Variants in TIAM2 observed in about 807,000 individuals in gnomAD.
The protein encoded by TIAM2 is TIAM Rac1 associated GEF 2, also known as rho guanine nucleotide exchange factor TIAM2.
In TIAM2, 80 loss-of-function variants were observed where a neutral mutation model predicts 152.9. The observed-to-expected ratio is 0.52, with a 90% CI of 0.44 to 0.63. The LOEUF (loss-of-function observed/expected upper bound fraction) is 0.63, where lower values mean the gene tolerates loss of function less well. TIAM2 is among the 30% of genes least tolerant of loss of function. TIAM2 has a pLI of 0.00. For missense variants in TIAM2, 1,965 were observed against 2,120.1 expected (o/e 0.93, Z 1.44); for synonymous variants, 804 against 838.0 (o/e 0.96, Z 0.70).
intron 15 of TIAM2, chr6:155,216,903 A>G (rs1279100248): frequency 4.2e-6 from 5 of 1,179,558 alleles, no homozygotes; most frequent in Non-Finnish European, 5.3e-6. Flanking sequence ...GTGGAGGAAG[A>G]GCTTGGTGGC....
At chr6:155,087,610 G>T (rs555443904) in intron 1 of TIAM2, among the ~76,000 whole-genome samples, 5 of 151,978 alleles carry the variant, frequency 3.3e-5, no homozygotes, top group Non-Finnish European at 7.4e-5. Context: ...TTAGCCAGGC[G>T]TGGTGGTGGG....
At chr6:155,164,770 G>A (rs142546123) in intron 8 of TIAM2, among the ~76,000 whole-genome samples, 170 bp downstream of exon 8, 50 of 152,252 alleles carry the variant, frequency 3.3e-4, no homozygotes, top group African/African-American at 1.2e-3. Flanking sequence ...ACCAGACGTC[G>A]TGCTGTAGAG....
chr6:155,042,028 C>CT (rs72351471), intron 1 of TIAM2, among the ~76,000 whole-genome samples: 2,161 of 151,228 alleles, frequency 0.014, 32 homozygotes, highest in East Asian at 0.053. Flanking sequence ...GACTTTTTTT[C>CT]TTTTTTTTTA....
At chr6:155,158,143 C>A (rs1041988559) in intron 7 of TIAM2, among the ~76,000 whole-genome samples, 5 of 152,050 alleles carry the variant, frequency 3.3e-5, no homozygotes, top group East Asian at 3.9e-4. Flanking sequence ...TAGTAATAGG[C>A]AAATGACTAC....
At chr6:155,087,198 AAAAC>A (rs1459713347) in intron 1 of TIAM2, among the ~76,000 whole-genome samples, 1 of 152,226 alleles carries the variant, frequency 6.6e-6, no homozygotes. Context: ...TAGAAACCAA[AAAAC>A]ATGAAATCAC....
chr6:155,032,537 G>A (rs1435210578), intron 1 of TIAM2, among the ~76,000 whole-genome samples: 2 of 151,996 alleles, frequency 1.3e-5, no homozygotes, highest in Non-Finnish European at 2.9e-5. Flanking sequence ...AGGCTGCAGG[G>A]ATTTTTGTTT....
chr6:155,111,298 T>TACACACACACACACACACACACACAC (rs57988099), intron 2 of TIAM2, among the ~76,000 whole-genome samples: 4 of 138,328 alleles, frequency 2.9e-5, no homozygotes, highest in Non-Finnish European at 6.3e-5. Flanking sequence ...ATTCTTGGAA[T>TACACACACACACACACACACACACAC]ACACACACAC....
At chr6:155,172,940 C>T (rs763767066) in intron 9 of TIAM2, among the ~76,000 whole-genome samples, 2 of 151,512 alleles carry the variant, frequency 1.3e-5, no homozygotes, top group Admixed American at 1.3e-4. Flanking sequence ...TTTCATCTGG[C>T]TTCCTGAAAC....
intron 16 of TIAM2, among the ~76,000 whole-genome samples, chr6:155,242,919 T>C (rs1239374686): frequency 1.3e-5 from 2 of 151,836 alleles, no homozygotes; most frequent in African/African-American, 4.8e-5. Flanking sequence ...TTTTTCTTTT[T>C]TTTAGTAGAA....
intron 7 of TIAM2, among the ~76,000 whole-genome samples, chr6:155,155,900 T>TAGGG (rs1780096004): frequency 2.0e-5 from 3 of 152,206 alleles, no homozygotes; most frequent in Non-Finnish European, 4.4e-5. Flanking sequence ...GTCTCTGCCC[T>TAGGG]CAGTGACAGT....
chr6:155,044,963 C>A (rs984103863), intron 1 of TIAM2, among the ~76,000 whole-genome samples: 2 of 151,988 alleles, frequency 1.3e-5, no homozygotes, highest in African/African-American at 4.8e-5. Context: ...TTTATTTCTC[C>A]GATCCATTGG....
intron 12 of TIAM2, among the ~76,000 whole-genome samples, chr6:155,180,949 T>C (rs191517140): frequency 6.6e-6 from 1 of 152,268 alleles, no homozygotes; most frequent in East Asian, 1.9e-4. Context: ...CCTCTTAGCC[T>C]TTTTTCTCCT....
chr6:155,021,930 C>T (rs1465614346), intron 1 of TIAM2, among the ~76,000 whole-genome samples: 1 of 152,144 alleles, frequency 6.6e-6, no homozygotes, highest in Non-Finnish European at 1.5e-5. Context: ...CAGATAAAGC[C>T]CCTGTCCTGA....
At chr6:155,011,585 T>A (rs1005653682) in intron 1 of TIAM2, among the ~76,000 whole-genome samples, 61 of 152,340 alleles carry the variant, frequency 4.0e-4, no homozygotes, top group African/African-American at 1.4e-3. Context: ...CTGACAATGG[T>A]TTGCCCTGTG....
Position 155,256,826 on chromosome 6 carries a change from AC to A in TIAM2, c.4815del (p.Glu1606ArgfsTer65), listed in dbSNP as rs1306188613. On this transcript the variant is annotated frameshift_variant, in exon 27 of 27. Coordinates refer to ENST00000682666, the MANE Select transcript of TIAM2 (RefSeq NM_012454.4). LOFTEE classifies it high-confidence loss of function. ...AGGATTTCCGAGGACCCAGACGTTCACCCCGAGGCTGAGCAGCAGCCTGGCC... is the reference window on the plus strand; with the variant it reads ...AGGATTTCCGAGGACCCAGACGTTCACCCGAGGCTGAGCAGCAGCCTGGCC... The part of the protein sequence containing the change: ...RLRISEDPDV[H>X]PEAEQQPGPE... 1 of 1,614,022 alleles carries A rather than the reference AC, an allele frequency of 6.2e-7. No individual in the cohort carries two copies. Among genetic ancestry groups the A allele is most frequent in the Admixed American group, 1.7e-5 (1 of 60,010 alleles).
chr6:155,096,890 T>C (rs1325539924), intron 2 of TIAM2, among the ~76,000 whole-genome samples: 2 of 152,240 alleles, frequency 1.3e-5, no homozygotes, highest in Non-Finnish European at 2.9e-5. Flanking sequence ...CTGGATCACA[T>C]GGTAGTTCTA....
At chr6:155,181,704 C>T (rs1336854409) in intron 12 of TIAM2, among the ~76,000 whole-genome samples, 1 of 152,216 alleles carries the variant, frequency 6.6e-6, no homozygotes, top group Non-Finnish European at 1.5e-5. Flanking sequence ...CTAGCAACCA[C>T]CATTCTATTA....
chr6:155,066,105 T>A (rs12523857), intron 1 of TIAM2, among the ~76,000 whole-genome samples: 54,261 of 151,862 alleles, frequency 0.36, 10,527 homozygotes, highest in Middle Eastern at 0.48. Flanking sequence ...GCCAGCTAAA[T>A]TGGTCCTGGG....
chr6:155,197,677 G>C (rs2115179098), intron 14 of TIAM2, among the ~76,000 whole-genome samples: 1 of 152,140 alleles, frequency 6.6e-6, no homozygotes, highest in Non-Finnish European at 1.5e-5. Flanking sequence ...TGGTGGAAAG[G>C]GAAGCAAACA....
Sources: gnomAD v4.1 joint callset for allele counts (sites outside exome capture counted in the v4.1 genomes callset) on GRCh38, gnomAD v4.1.1 for gene constraint, MANE v1.5 for transcripts, NCBI Gene and HGNC (gene_info 2026-07-23, HGNC 2026-07-21) for gene names.